TRPA1: variants seen among roughly 807,000 people sequenced by gnomAD.
The protein encoded by TRPA1 is ankyrin-like with transmembrane domains 1.
Under a neutral mutation model 131.3 loss-of-function variants are expected in TRPA1, and 129 were observed. The observed-to-expected ratio is 0.98, with a 90% CI of 0.85 to 1.14. The LOEUF is 1.14. Among genes scored for constraint, TRPA1 ranks in the 50% most tolerant of loss-of-function variants. The pLI is 0.00. For missense variants in TRPA1, 1,304 were observed against 1,354.2 expected, an observed-to-expected ratio of 0.96 and a Z score of 0.58; for synonymous variants, 441 against 451.7, an observed-to-expected ratio of 0.98 and a Z score of 0.30.
the TRPA1 span, among the ~76,000 whole-genome samples, chr8:72,088,970 G>T: frequency 6.6e-6 from 1 of 152,098 alleles, no homozygotes; most frequent in Admixed American, 6.6e-5. Flanking sequence ...TATTAAAAAA[G>T]CTAATTAAGT....
At chr8:72,074,109 C>T (rs930925823) in intron 1 of TRPA1, among the ~76,000 whole-genome samples, 6 of 152,114 alleles carry the variant, frequency 3.9e-5, no homozygotes, top group South Asian at 2.1e-4. Flanking sequence ...GACATACAGA[C>T]ATATCCATAA....
chr8:72,025,429 A>G (rs113768338), intron 25 of TRPA1, among the ~76,000 whole-genome samples: 25,616 of 152,008 alleles, frequency 0.17, 2,504 homozygotes, highest in East Asian at 0.3. Flanking sequence ...TCAGCCATGC[A>G]GAACTGTGAG....
intron 25 of TRPA1, among the ~76,000 whole-genome samples, chr8:72,024,282 A>C (rs1407875590): frequency 6.6e-6 from 1 of 152,212 alleles, no homozygotes; most frequent in African/African-American, 2.4e-5. Flanking sequence ...CACATTATCC[A>C]ATACAACTCA....
chr8:72,025,419 T>A (rs62519223), intron 25 of TRPA1, among the ~76,000 whole-genome samples: 1 of 152,026 alleles, frequency 6.6e-6, no homozygotes, highest in Non-Finnish European at 1.5e-5. Flanking sequence ...TGAGGCCTCC[T>A]CAGCCATGCA....
the TRPA1 span, among the ~76,000 whole-genome samples, chr8:72,084,221 G>A: frequency 3.9e-5 from 6 of 151,998 alleles, no homozygotes; most frequent in East Asian, 5.8e-4. Context: ...TTTGATTTTT[G>A]TATTGTTATT....
chr8:72,038,119 A>G, intron 19 of TRPA1, 47 bp from the exon 20 acceptor site: 1 of 960,418 alleles, frequency 1.0e-6, no homozygotes, highest in South Asian at 1.5e-5. Context: ...GATATAAAAC[A>G]CTTTAACATT....
intron 15 of TRPA1, among the ~76,000 whole-genome samples, chr8:72,050,258 A>G (rs1805467232): frequency 6.6e-6 from 1 of 152,100 alleles, no homozygotes; most frequent in South Asian, 2.1e-4. Context: ...CCATGTTTTT[A>G]AATAGGAGAG....
Position 72,065,558 on chromosome 8 carries a change from C to T in TRPA1, c.445G>A (p.Val149Ile). The change falls in exon 4 of 27, where the codon GTC becomes ATC. Residue 149 changes from valine (V) to isoleucine (I), a missense_variant and splice_region_variant. Transcript: ENST00000262209. ...VQGMNNEVMKVLLEHRTIDVN... is the reference protein window; with the variant it reads ...VQGMNNEVMKILLEHRTIDVN... ...TCAATAGTTCTATGCTCAAGCAAGA[C>T]CTAAAAAAAGGGGAGAATAATTGTC... 1.2e-6 allele frequency: 2 copies of T among 1,612,062 alleles called. No individual in the cohort carries two copies. Among genetic ancestry groups the T allele is most frequent in the Middle Eastern group, 1.7e-4 (1 of 6,048 alleles).
chr8:72,048,088 G>C (rs1233439217), intron 15 of TRPA1, among the ~76,000 whole-genome samples: 2 of 152,074 alleles, frequency 1.3e-5, no homozygotes, highest in Non-Finnish European at 2.9e-5. Flanking sequence ...ATGAGAAATA[G>C]ATGAAGACTC....
chr8:72,079,273 G>A (rs530113132), upstream of TRPA1, among the ~76,000 whole-genome samples: 75 of 151,924 alleles, frequency 4.9e-4, no homozygotes, highest in African/African-American at 1.7e-3. Context: ...CCTATATTGT[G>A]TTTTGGGTGC....
the TRPA1 span, among the ~76,000 whole-genome samples, chr8:72,089,389 G>C: frequency 0.15 from 22,877 of 151,888 alleles, 1,833 homozygotes; most frequent in Middle Eastern, 0.2. Flanking sequence ...CAACCCACAC[G>C]AGTAAGACCA....
intron 25 of TRPA1, 97 bp from the exon 26 acceptor site, chr8:72,024,008 G>A (rs776892900): frequency 2.6e-6 from 2 of 774,652 alleles, no homozygotes; most frequent in Non-Finnish European, 4.7e-6. Flanking sequence ...GTACCAATAT[G>A]CATAAGGCAT....
the TRPA1 span, among the ~76,000 whole-genome samples, chr8:72,085,387 T>C: frequency 2.6e-5 from 4 of 152,306 alleles, no homozygotes; most frequent in Admixed American, 2.6e-4. Context: ...ATTGACAGTT[T>C]AGTCATGTAT....
chr8:72,024,547 G>C (rs1027748276), intron 25 of TRPA1, among the ~76,000 whole-genome samples: 1 of 152,152 alleles, frequency 6.6e-6, no homozygotes, highest in African/African-American at 2.4e-5. Flanking sequence ...CTCCTGGGTG[G>C]CTGGATTGCA....
At chr8:72,031,594 C>A (rs202181180) in intron 23 of TRPA1, among the ~76,000 whole-genome samples, 21 of 144,784 alleles carry the variant, frequency 1.5e-4, no homozygotes, top group African/African-American at 5.1e-4. Flanking sequence ...AACAAAAAAA[C>A]AAAAAAAAAA....
the TRPA1 span, among the ~76,000 whole-genome samples, chr8:72,089,492 A>G: frequency 6.6e-6 from 1 of 152,090 alleles, no homozygotes; most frequent in Non-Finnish European, 1.5e-5. Context: ...TTTATTATAT[A>G]AAAATATTTT....
At chr8:72,052,794 G>A (rs941052121) in intron 13 of TRPA1, 29 bp from the exon 14 acceptor site, 15 of 1,610,840 alleles carry the variant, frequency 9.3e-6, no homozygotes, top group African/African-American at 2.7e-5. Flanking sequence ...CACAGAAAAC[G>A]TGGTGACAGT....
At chr8:72,089,937 G>T in the TRPA1 span, among the ~76,000 whole-genome samples, 29 of 152,030 alleles carry the variant, frequency 1.9e-4, no homozygotes, top group African/African-American at 5.8e-4. Context: ...TTGAAGAAAA[G>T]GTATGCTTAC....
chr8:72,064,842 AT>A (rs1805894080), intron 4 of TRPA1, among the ~76,000 whole-genome samples: 1 of 15,354 alleles, frequency 6.5e-5, no homozygotes, highest in Non-Finnish European at 9.0e-5. Flanking sequence ...GTAGACAATC[AT>A]CTCCATCATC....
Sources: allele counts gnomAD v4.1 joint callset (sites outside exome capture counted in the v4.1 genomes callset), GRCh38; gene constraint gnomAD v4.1.1; transcripts MANE v1.5; gene names NCBI Gene and HGNC (gene_info 2026-07-23, HGNC 2026-07-21).